The following EXOC2 variants were observed in gnomAD, a reference collection of about 807,000 sequenced individuals.
EXOC2 encodes exocyst complex component 2.
EXOC2 carries 70 observed loss-of-function variants against 131.8 expected under a neutral mutation model. That is an observed-to-expected ratio of 0.53 (90% CI 0.44 to 0.65). The LOEUF is 0.65. Ranked by LOEUF, EXOC2 falls within the 30% of genes least tolerant of loss-of-function variation. EXOC2 has a pLI of 0.00. For synonymous variants in EXOC2, 411 were observed against 398.4 expected, an observed-to-expected ratio of 1.03 and a Z score of -0.38; for missense variants, 923 against 1,108.6, an observed-to-expected ratio of 0.83 and a Z score of 2.38.
chr6:501,667 A>G (rs1278294105), intron 23 of EXOC2, among the ~76,000 whole-genome samples: 1 of 116,052 alleles, frequency 8.6e-6, no homozygotes, highest in Admixed American at 1.2e-4. Flanking sequence ...ATATCTATCT[A>G]TAAAAGATAT....
chr6:675,533 C>T lies in EXOC2; in HGVS notation c.-44+17486G>A, dbSNP rs552896809. Among the ~76,000 whole-genome samples, 56 of 40,342 alleles carry T rather than the reference C, an allele frequency of 1.4e-3. 1 individual carries two copies. In the South Asian group the frequency reaches 0.043, roughly 31 times the overall value. 26.5% of individuals were successfully genotyped at this position (40,342 alleles called of 152,430 possible). On this transcript the variant is annotated intron_variant, in intron 1 of 27. Coordinates refer to ENST00000230449, the MANE Select transcript of EXOC2 (RefSeq NM_018303.6). ...TTCAACATTACAGAAAGGACAGGTT[C>T]CTCTGGAGACTCTGAGGTTCCCCAT...
chr6:562,219 C>T (rs1297270556), intron 17 of EXOC2, among the ~76,000 whole-genome samples: 1 of 152,234 alleles, frequency 6.6e-6, no homozygotes, highest in East Asian at 1.9e-4. Context: ...TCGGCCGCTG[C>T]CTGGCCATCG....
intron 11 of EXOC2, 121 bp downstream of exon 11, chr6:592,348 A>C (rs1759585439): frequency 3.6e-6 from 3 of 840,966 alleles, no homozygotes; most frequent in Non-Finnish European, 3.7e-6. Flanking sequence ...AAACAAGCAA[A>C]AGACAATAAT....
intron 1 of EXOC2, among the ~76,000 whole-genome samples, chr6:643,635 CTAAA>C (rs1762452542): frequency 1.2e-4 from 18 of 149,802 alleles, no homozygotes; most frequent in Admixed American, 1.2e-3. Context: ...AAAATAAGGG[CTAAA>C]TAAACTCAAA....
chr6:498,584 A>C (rs1410493781), intron 24 of EXOC2, among the ~76,000 whole-genome samples: 2 of 152,176 alleles, frequency 1.3e-5, no homozygotes, highest in African/African-American at 4.8e-5. Context: ...TTTCCCTTTC[A>C]TAAGAACTGG....
At chr6:491,995 CA>C (rs1441656033) in intron 25 of EXOC2, among the ~76,000 whole-genome samples, 1 of 152,188 alleles carries the variant, frequency 6.6e-6, no homozygotes. Context: ...TTCCTTAACA[CA>C]AAAATTAACA....
intron 6 of EXOC2, among the ~76,000 whole-genome samples, chr6:610,540 A>G (rs1760660588): frequency 6.6e-6 from 1 of 152,230 alleles, no homozygotes; most frequent in Non-Finnish European, 1.5e-5. Context: ...AAGCACTCAC[A>G]TGACATTCAA....
intron 23 of EXOC2, among the ~76,000 whole-genome samples, 189 bp downstream of exon 23, chr6:532,280 A>C (rs1169096349): frequency 6.6e-6 from 1 of 152,252 alleles, no homozygotes; most frequent in African/African-American, 2.4e-5. Flanking sequence ...TTAAGCCACT[A>C]ATAATACAAA....
chr6:486,391 A>G lies in EXOC2; in HGVS notation c.*280T>C. 1 of 289,540 alleles carries G rather than the reference A, an allele frequency of 3.5e-6. No individual in the cohort carries two copies. Among genetic ancestry groups the G allele is most frequent in the Non-Finnish European group, 6.4e-6 (1 of 155,960 alleles). 17.9% of individuals were successfully genotyped at this position (289,540 alleles called of 1,614,324 possible). On this transcript the variant is annotated 3_prime_UTR_variant, in exon 28 of 28. Transcript: ENST00000230449. ...TCCCTGCAGAAGCAGCTCTTCCTGC[A>G]GCACTCAACCTTCTGCTGAGATGCA...
intron 4 of EXOC2, among the ~76,000 whole-genome samples, chr6:624,458 G>A (rs776996414): frequency 2.0e-4 from 30 of 152,290 alleles, no homozygotes; most frequent in Admixed American, 7.2e-4. Context: ...GCTCAAAAAT[G>A]TTATTTGCTA....
At chr6:556,689 G>A (rs995311850) in intron 17 of EXOC2, 125 bp from the exon 18 acceptor site, 12 of 962,034 alleles carry the variant, frequency 1.2e-5, no homozygotes, top group East Asian at 5.2e-5. Context: ...ACAGACACAC[G>A]ATCTGAAAAG....
At chr6:507,572 G>T (rs932257666) in intron 23 of EXOC2, among the ~76,000 whole-genome samples, 2 of 152,166 alleles carry the variant, frequency 1.3e-5, no homozygotes, top group African/African-American at 2.4e-5. Context: ...GCTTTTGCTT[G>T]ATGAGAATCA....
chr6:562,290 G>A (rs1276955102), intron 17 of EXOC2, among the ~76,000 whole-genome samples: 7 of 151,550 alleles, frequency 4.6e-5, no homozygotes, highest in African/African-American at 1.4e-4. Context: ...GTGAAAACCC[G>A]TGAAATCATG....
intron 23 of EXOC2, among the ~76,000 whole-genome samples, chr6:505,163 T>C (rs1246290929): frequency 2.0e-5 from 3 of 152,060 alleles, no homozygotes; most frequent in Admixed American, 1.3e-4. Context: ...GAATACAACA[T>C]GAAATATGGC....
intron 13 of EXOC2, 129 bp downstream of exon 13, chr6:572,391 A>T: frequency 3.3e-6 from 4 of 1,219,938 alleles, no homozygotes; most frequent in Non-Finnish European, 3.4e-6. Flanking sequence ...GCTTTAACTG[A>T]TTTTAAACTA....
intron 5 of EXOC2, among the ~76,000 whole-genome samples, chr6:618,152 A>C (rs983721067): frequency 3.9e-5 from 6 of 152,236 alleles, no homozygotes; most frequent in African/African-American, 1.4e-4. Flanking sequence ...ACAATTTACC[A>C]GATAAAGAGT....
chr6:574,991 C>G (rs1758498335), intron 12 of EXOC2, among the ~76,000 whole-genome samples: 1 of 152,254 alleles, frequency 6.6e-6, no homozygotes, highest in South Asian at 2.1e-4. Context: ...ACAAGAAAAT[C>G]TAAAAATGGA....
intron 2 of EXOC2, 125 bp from the exon 3 acceptor site, chr6:633,242 A>G (rs1734708699): frequency 1.0e-6 from 1 of 991,336 alleles, no homozygotes; most frequent in Non-Finnish European, 1.4e-6. Context: ...ACCCAATATT[A>G]TTTGCAGATA....
intron 10 of EXOC2, among the ~76,000 whole-genome samples, chr6:595,546 A>G (rs1759763850): frequency 6.6e-6 from 1 of 152,062 alleles, no homozygotes; most frequent in South Asian, 2.1e-4. Context: ...AGGCTCCTTA[A>G]AAGAATCTTT....
Sources: gnomAD v4.1 joint callset for allele counts (sites outside exome capture counted in the v4.1 genomes callset) on GRCh38, gnomAD v4.1.1 for gene constraint, MANE v1.5 for transcripts, NCBI Gene and HGNC (gene_info 2026-07-23, HGNC 2026-07-21) for gene names.